Variants in FAAP20 observed in about 807,000 individuals in gnomAD.
FAAP20 encodes the protein FA core complex associated protein 20.
FAAP20 carries 12 observed loss-of-function variants against 16.2 expected under a neutral mutation model. The observed-to-expected ratio is 0.74, with a 90% CI of 0.48 to 1.20. The LOEUF (loss-of-function observed/expected upper bound fraction) is 1.20. Among genes scored for constraint, FAAP20 ranks in the 50% most tolerant of loss-of-function variants. The pLI is 0.00. For missense variants in FAAP20, 288 were observed against 245.8 expected, an observed-to-expected ratio of 1.17 and a Z score of -1.15; for synonymous variants, 141 against 110.7, an observed-to-expected ratio of 1.27 and a Z score of -1.72.
At chr1:2,184,802 C>T (rs971961974), downstream of FAAP20, 20 of 1,377,750 alleles carry the variant, frequency 1.5e-5, no homozygotes, top group African/African-American at 8.6e-5. Context: ...GAGTCCCACC[C>T]GCCTGGTGTC....
downstream of FAAP20, chr1:2,185,447 G>A (rs776004117): frequency 2.9e-5 from 21 of 718,550 alleles, no homozygotes; most frequent in Non-Finnish European, 5.2e-5. Flanking sequence ...CATCTCAGAC[G>A]CAACCCACAC....
downstream of FAAP20, among the ~76,000 whole-genome samples, chr1:2,207,925 T>TGTGTGTGC (rs1175290799): frequency 3.1e-5 from 3 of 96,056 alleles, no homozygotes; most frequent in East Asian, 9.0e-4. Flanking sequence ...TGTGTGTGTG[T>TGTGTGTGC]GTGTGTGTGT....
At chr1:2,195,205 G>A (rs1399539312), upstream of FAAP20, among the ~76,000 whole-genome samples, 3 of 152,246 alleles carry the variant, frequency 2.0e-5, no homozygotes, top group African/African-American at 7.2e-5. Flanking sequence ...CAAAAGGCGG[G>A]GAACTCAAGC....
Position 2,193,899 on chromosome 1 carries a change from G to T in FAAP20, c.210C>A (p.Cys70Ter). ...LPAFPGQEPRCGPEPTEVFTV... is the reference protein window; with the variant it reads ...LPAFPGQEPR ...TGAAGACTTCAGTGGGCTCCGGGCCGCACCTGGGCTCCTGCAACACAGAGT... is the reference window on the plus strand; with the variant it reads ...TGAAGACTTCAGTGGGCTCCGGGCCTCACCTGGGCTCCTGCAACACAGAGT... The change falls in exon 3 of 4, where the codon TGC becomes TGA. Residue 70 changes from cysteine to a stop codon, truncating the protein, a stop_gained. Transcript: ENST00000378546. LOFTEE classifies it high-confidence loss of function. 1.9e-6 allele frequency: 3 copies of T among 1,611,902 alleles called. No individual in the cohort carries two copies. Among genetic ancestry groups the T allele is most frequent in the South Asian group, 1.1e-5 (1 of 91,030 alleles).
At chr1:2,186,499 C>CCA (rs987042105), downstream of FAAP20, among the ~76,000 whole-genome samples, 6 of 148,310 alleles carry the variant, frequency 4.0e-5, no homozygotes, top group African/African-American at 1.0e-4. Flanking sequence ...GACACCCGCC[C>CCA]CCCCCCGGCC....
downstream of FAAP20, among the ~76,000 whole-genome samples, chr1:2,208,236 C>T (rs1177729398): frequency 1.3e-5 from 2 of 152,088 alleles, no homozygotes; most frequent in Non-Finnish European, 2.9e-5. Context: ...TGGCTGCACA[C>T]AGACCATGGC....
intron 3 of FAAP20, chr1:2,192,092 C>T: frequency 2.0e-6 from 2 of 985,562 alleles, no homozygotes; most frequent in South Asian, 4.7e-5. Flanking sequence ...CGGGACAGGG[C>T]GACGGTTCAA....
At chr1:2,198,331 C>T (rs563057812), upstream of FAAP20, 14 of 476,638 alleles carry the variant, frequency 2.9e-5, no homozygotes, top group Non-Finnish European at 3.8e-5. Context: ...ACCTGCAGAC[C>T]GGTGGGCTAG....
rs746832136 is a variant in FAAP20, at chr1:2,193,702, G to A, written c.407C>T (p.Pro136Leu). 1.4e-4 allele frequency: 216 copies of A among 1,595,010 alleles called. No homozygotes were observed. The highest frequency in any genetic ancestry group is 1.8e-4 in the Non-Finnish European group (207 of 1,173,980). ...PCRAPRVEQQPSVEGAAALRS... is the reference protein window; with the variant it reads ...PCRAPRVEQQLSVEGAAALRS... Reference sequence around the variant, plus strand: ...CAGGGCCGCGGCACCCTCCACAGACGGCTGCTGCTCCACCCTGGGGGCCCT... The same window carrying A: ...CAGGGCCGCGGCACCCTCCACAGACAGCTGCTGCTCCACCCTGGGGGCCCT... Residue 136 changes from proline (P) to leucine (L), a missense_variant, in exon 3 of 4, where the codon CCG (proline) becomes CTG (leucine). Transcript: ENST00000378546.
upstream of FAAP20, chr1:2,198,050 C>A (rs1234014227): frequency 1.5e-5 from 19 of 1,291,546 alleles, no homozygotes; most frequent in East Asian, 5.5e-5. Flanking sequence ...CACAGCGGTG[C>A]TGGTGATGGT....
chr1:2,193,668 G>A lies in FAAP20; in HGVS notation c.441C>T (p.Cys147=). The A allele has an allele frequency of 1.2e-6, 2 of 1,600,600 alleles. No individual in the cohort carries two copies. The highest frequency in any genetic ancestry group is 1.1e-5 in the South Asian group (1 of 89,794). Residue 147 remains cysteine (C), a synonymous_variant, in exon 3 of 4, where the codon TGC becomes TGT. Coordinates refer to ENST00000378546, the MANE Select transcript of FAAP20 (RefSeq NM_182533.4). ...GGGCGAACTCCTTCTGGCACATGGG[G>A]CAGCTGCGCAGGGCCGCGGCACCCT... ...SVEGAAALRS[C]PMCQKEFAPR... is the part of the protein sequence containing the mutation.
chr1:2,193,730 A>G lies in FAAP20; in HGVS notation c.379T>C (p.Cys127Arg), dbSNP rs760060398. ...SLPQRPAPDP[C>R]RAPRVEQQPS... ...TGCTGCTCCACCCTGGGGGCCCTGC[A>G]GGGATCAGGTGCCGGGCGCTGGGGC... Residue 127 changes from cysteine (C) to arginine (R), a missense_variant, in exon 3 of 4, where the codon TGC becomes CGC. Coordinates refer to ENST00000378546, the MANE Select transcript of FAAP20 (RefSeq NM_182533.4). The G allele has an allele frequency of 1.5e-5, 24 of 1,592,024 alleles. No homozygotes were observed. Among genetic ancestry groups the G allele is most frequent in the Non-Finnish European group, 2.0e-5 (24 of 1,173,034 alleles).
chr1:2,200,622 C>G (rs968627354), upstream of FAAP20: 41 of 985,226 alleles, frequency 4.2e-5, no homozygotes, highest in Admixed American at 1.2e-4. Context: ...TCGTTTTAGG[C>G]TCCCAGTGTG....
downstream of FAAP20, chr1:2,184,784 C>A: frequency 6.9e-7 from 1 of 1,447,652 alleles, no homozygotes; most frequent in African/African-American, 1.4e-5. Context: ...GTGACCCAGC[C>A]TGCCCTTGAG....
chr1:2,186,880 T>C (rs1687664696), downstream of FAAP20: 1 of 174,518 alleles, frequency 5.7e-6, no homozygotes, highest in Non-Finnish European at 1.2e-5. Context: ...GTTACCAGTT[T>C]GGCCGTTCTT....
At chr1:2,201,352 G>A, upstream of FAAP20, 1 of 732,822 alleles carries the variant, frequency 1.4e-6, no homozygotes, top group Middle Eastern at 6.4e-4. Flanking sequence ...GACACCCGTG[G>A]GCAGGGAGCA....
upstream of FAAP20, chr1:2,198,960 C>T (rs1557788667): frequency 1.6e-6 from 2 of 1,289,076 alleles, no homozygotes; most frequent in Non-Finnish European, 2.0e-6. Flanking sequence ...ATCTTTGGGG[C>T]AGCAGAGCAG....
chr1:2,184,576 T>C, downstream of FAAP20: 2 of 1,612,636 alleles, frequency 1.2e-6, no homozygotes, highest in East Asian at 2.2e-5. Flanking sequence ...CCTATTGTTT[T>C]TCCAAGCTGG....
chr1:2,193,302 C>G (rs955675077), intron 3 of FAAP20: 2 of 494,310 alleles, frequency 4.0e-6, no homozygotes, highest in African/African-American at 3.9e-5. Flanking sequence ...GACGCACTCT[C>G]GGGAAGGTGT....
Sources: gnomAD v4.1 joint callset for allele counts (sites outside exome capture counted in the v4.1 genomes callset) on GRCh38, gnomAD v4.1.1 for gene constraint, MANE v1.5 for transcripts, NCBI Gene and HGNC (gene_info 2026-07-23, HGNC 2026-07-21) for gene names.